TNFSF4: variants seen among roughly 807,000 people sequenced by gnomAD.
TNFSF4 encodes tumor necrosis factor ligand superfamily member 4.
TNFSF4 carries 4 observed loss-of-function variants against 7.3 expected under a neutral mutation model. The observed-to-expected ratio is 0.55, with a 90% CI of 0.27 to 1.25. The LOEUF is 1.25. Among genes scored for constraint, TNFSF4 ranks in the 50% most tolerant of loss-of-function variants. TNFSF4 has a pLI of 0.12. For synonymous variants in TNFSF4, 76 were observed against 83.7 expected (o/e 0.91, Z 0.50); for missense variants, 181 against 208.8 (o/e 0.87, Z 0.82).
At chr1:173,371,744 T>C in the TNFSF4 span, among the ~76,000 whole-genome samples, 8 of 152,176 alleles carry the variant, frequency 5.3e-5, no homozygotes, top group African/African-American at 1.9e-4. Flanking sequence ...CCAACCCCTA[T>C]ACCCTGCTTT....
chr1:173,247,166 A>G, the TNFSF4 span, among the ~76,000 whole-genome samples: 7 of 152,198 alleles, frequency 4.6e-5, no homozygotes, highest in South Asian at 1.0e-3. Context: ...ATTCTGACCA[A>G]TTAGTACTAT....
At chr1:173,229,499 C>T in the TNFSF4 span, among the ~76,000 whole-genome samples, 3 of 152,152 alleles carry the variant, frequency 2.0e-5, no homozygotes, top group African/African-American at 7.2e-5. Flanking sequence ...TAAAGACCAT[C>T]GATGCTAGGA....
the TNFSF4 span, among the ~76,000 whole-genome samples, chr1:173,450,477 T>C: frequency 1.3e-5 from 2 of 151,802 alleles, no homozygotes; most frequent in African/African-American, 4.8e-5. Flanking sequence ...ATTAAGAAAA[T>C]GTCAACCCAA....
chr1:173,387,022 A>C, the TNFSF4 span, among the ~76,000 whole-genome samples: 1 of 152,172 alleles, frequency 6.6e-6, no homozygotes, highest in Admixed American at 6.5e-5. Context: ...AGGATGAAAC[A>C]CACCTTTGAT....
the TNFSF4 span, among the ~76,000 whole-genome samples, chr1:173,288,412 G>A: frequency 6.6e-6 from 1 of 151,732 alleles, no homozygotes; most frequent in African/African-American, 2.4e-5. Context: ...TTCCAGCCTG[G>A]GTGACAGAGC....
chr1:173,376,212 G>C, the TNFSF4 span, among the ~76,000 whole-genome samples: 5 of 152,150 alleles, frequency 3.3e-5, no homozygotes, highest in Non-Finnish European at 7.4e-5. Context: ...GCCCATCAAT[G>C]ATAGAATGGA....
At chr1:173,407,856 A>C in the TNFSF4 span, among the ~76,000 whole-genome samples, 2 of 152,170 alleles carry the variant, frequency 1.3e-5, no homozygotes, top group Non-Finnish European at 2.9e-5. Context: ...CATATATTTA[A>C]ATCCTAATCC....
intron 1 of TNFSF4, among the ~76,000 whole-genome samples, chr1:173,204,922 CAA>C (rs910555688): frequency 1.7e-5 from 2 of 116,006 alleles, no homozygotes; most frequent in African/African-American, 6.7e-5. Flanking sequence ...CACACACACA[CAA>C]ACACACACAC....
chr1:173,208,621 C>T (rs181330217), upstream of TNFSF4, among the ~76,000 whole-genome samples: 7 of 152,180 alleles, frequency 4.6e-5, no homozygotes, highest in African/African-American at 7.2e-5. Context: ...AACTAAGGCA[C>T]AATATCATAG....
chr1:173,326,854 A>G, the TNFSF4 span, among the ~76,000 whole-genome samples: 1 of 152,246 alleles, frequency 6.6e-6, no homozygotes, highest in African/African-American at 2.4e-5. Flanking sequence ...ACCACTGCTC[A>G]ATGAAATAAA....
chr1:173,244,648 AAACAAAAAACAAAAAAAAC>A, the TNFSF4 span, among the ~76,000 whole-genome samples: 1 of 128,042 alleles, frequency 7.8e-6, no homozygotes, highest in Non-Finnish European at 1.7e-5. Context: ...TCTCAAAAAA[AAACAAAAAACAAAAAAAAC>A]AAAAAAAAAA....
chr1:173,230,276 C>G, the TNFSF4 span, among the ~76,000 whole-genome samples: 1 of 152,232 alleles, frequency 6.6e-6, no homozygotes, highest in Non-Finnish European at 1.5e-5. Context: ...TTAAGAAACT[C>G]ACTCAAAACA....
chr1:173,356,998 G>A, the TNFSF4 span, among the ~76,000 whole-genome samples: 1,047 of 152,226 alleles, frequency 6.9e-3, 13 homozygotes, highest in African/African-American at 0.021. Flanking sequence ...GGACCCATTT[G>A]GCCTATTATT....
chr1:173,244,869 T>C, the TNFSF4 span, among the ~76,000 whole-genome samples: 10 of 152,152 alleles, frequency 6.6e-5, no homozygotes, highest in Non-Finnish European at 1.2e-4. Flanking sequence ...AAGAAATGCA[T>C]GCTTATAGAG....
the TNFSF4 span, among the ~76,000 whole-genome samples, chr1:173,368,293 C>T: frequency 3.9e-5 from 6 of 152,014 alleles, no homozygotes; most frequent in African/African-American, 1.5e-4. Flanking sequence ...GGGTCCATAC[C>T]ATCTTTAAGA....
At chr1:173,378,755 G>T in the TNFSF4 span, among the ~76,000 whole-genome samples, 1 of 152,070 alleles carries the variant, frequency 6.6e-6, no homozygotes, top group African/African-American at 2.4e-5. Context: ...GGACCTCTCA[G>T]CTTACCCCCA....
chr1:173,229,821 CA>C, the TNFSF4 span, among the ~76,000 whole-genome samples: 1 of 152,038 alleles, frequency 6.6e-6, no homozygotes. Context: ...CGACAAAGAT[CA>C]AAAGAGACAA....
the TNFSF4 span, among the ~76,000 whole-genome samples, chr1:173,406,759 G>C: frequency 6.6e-6 from 1 of 152,198 alleles, no homozygotes; most frequent in Non-Finnish European, 1.5e-5. Flanking sequence ...CCTGCCTCCT[G>C]TCCTGAATGA....
intron 1 of TNFSF4, among the ~76,000 whole-genome samples, chr1:173,204,727 T>C (rs1431765149): frequency 1.3e-5 from 2 of 150,720 alleles, no homozygotes; most frequent in African/African-American, 5.0e-5. Flanking sequence ...ACTTGCCTCA[T>C]CACTACCAAC....
Sources: gnomAD v4.1 joint callset for allele counts (sites outside exome capture counted in the v4.1 genomes callset) on GRCh38, gnomAD v4.1.1 for gene constraint, MANE v1.5 for transcripts, NCBI Gene and HGNC (gene_info 2026-07-23, HGNC 2026-07-21) for gene names.